Variants in RIMS1 observed in about 807,000 individuals in gnomAD.
RIMS1 encodes regulating synaptic membrane exocytosis 1, also known as regulating synaptic membrane exocytosis protein 1.
Under a neutral mutation model 214.1 loss-of-function variants are expected in RIMS1, and 83 were observed. The observed-to-expected ratio is 0.39, with a 90% CI of 0.32 to 0.47. The LOEUF is 0.47. RIMS1 is among the 20% of genes least tolerant of loss of function. The probability of loss-of-function intolerance (pLI) is 0.99; values close to 1 mark genes in which losing one functional copy is unlikely to be tolerated. For synonymous variants in RIMS1, 793 were observed against 786.8 expected, an observed-to-expected ratio of 1.01 and a Z score of -0.13; for missense variants, 2,050 against 2,161.8, an observed-to-expected ratio of 0.95 and a Z score of 1.03.
At chr6:72,253,164 T>G (rs1326753052) in intron 16 of RIMS1, among the ~76,000 whole-genome samples, 1 of 152,172 alleles carries the variant, frequency 6.6e-6, no homozygotes, top group East Asian at 1.9e-4. Flanking sequence ...CATTTTTCTG[T>G]GTTTTATATT....
At chr6:72,326,757 TG>T (rs747291783) in intron 28 of RIMS1, among the ~76,000 whole-genome samples, 8 of 151,622 alleles carry the variant, frequency 5.3e-5, no homozygotes, top group Non-Finnish European at 1.0e-4. Context: ...AATGGGGAAT[TG>T]GGGTGTCAGA....
chr6:71,956,846 C>T (rs1226270724), intron 1 of RIMS1, among the ~76,000 whole-genome samples: 3 of 152,140 alleles, frequency 2.0e-5, no homozygotes, highest in Non-Finnish European at 2.9e-5. Context: ...CCTGCTTGAA[C>T]ACATTAGAGT....
intron 4 of RIMS1, chr6:72,175,340 C>T (rs1477712088): frequency 4.8e-6 from 2 of 415,340 alleles, no homozygotes; most frequent in African/African-American, 4.1e-5. Context: ...ATACTAAGTA[C>T]CTCAGATGGA....
chr6:72,182,121 A>G (rs544442440), intron 5 of RIMS1, among the ~76,000 whole-genome samples, 163 bp from the exon 6 acceptor site: 2 of 152,358 alleles, frequency 1.3e-5, no homozygotes, highest in Non-Finnish European at 2.9e-5. Flanking sequence ...TAGATCCCTT[A>G]CCTTGTAAAA....
intron 23 of RIMS1, among the ~76,000 whole-genome samples, chr6:72,280,552 G>A (rs4401625): frequency 0.78 from 118,638 of 151,908 alleles, 46,838 homozygotes; most frequent in East Asian, 0.98. Context: ...CTTAATTTAC[G>A]TATTCTTTTA....
intron 2 of RIMS1, among the ~76,000 whole-genome samples, chr6:72,091,095 C>T (rs1230895662): frequency 3.9e-5 from 6 of 152,216 alleles, no homozygotes; most frequent in African/African-American, 1.4e-4. Flanking sequence ...TGCCCTTCCA[C>T]CATTGTACAC....
chr6:72,362,115 G>C (rs1373798070), intron 29 of RIMS1, among the ~76,000 whole-genome samples: 1 of 151,962 alleles, frequency 6.6e-6, no homozygotes, highest in Non-Finnish European at 1.5e-5. Flanking sequence ...TAGTTTAAAT[G>C]TAACAAAGAG....
chr6:72,300,714 T>C (rs1264536387), intron 26 of RIMS1, among the ~76,000 whole-genome samples: 2 of 151,786 alleles, frequency 1.3e-5, no homozygotes, highest in African/African-American at 4.8e-5. Context: ...ACAAGATATA[T>C]AACAAATTCT....
chr6:72,365,790 G>C (rs536096616), intron 29 of RIMS1: 3 of 152,328 alleles, frequency 2.0e-5, no homozygotes, highest in African/African-American at 7.2e-5. Context: ...GAGGTGAGGA[G>C]GAGCCACACA....
chr6:72,096,535 G>A (rs2031767901), intron 2 of RIMS1, among the ~76,000 whole-genome samples: 1 of 152,220 alleles, frequency 6.6e-6, no homozygotes, highest in Non-Finnish European at 1.5e-5. Context: ...ATAGAAAATA[G>A]TAGAGTACAT....
intron 2 of RIMS1, among the ~76,000 whole-genome samples, chr6:71,986,509 G>A (rs1800016292): frequency 6.6e-6 from 1 of 152,086 alleles, no homozygotes; most frequent in Non-Finnish European, 1.5e-5. Context: ...AGAAGAGCAT[G>A]GATTATAAAT....
intron 4 of RIMS1, among the ~76,000 whole-genome samples, chr6:72,133,461 A>C (rs1473661969): frequency 4.6e-5 from 7 of 152,162 alleles, no homozygotes; most frequent in Non-Finnish European, 1.0e-4. Flanking sequence ...GAATTCAAAA[A>C]CTTGCAGTCT....
In RIMS1 at chr6:72,261,385, T is replaced by C. The variant is rs2077934096; in HGVS notation, c.3116+618T>C. ...TTTCCCACAAAGGCATATAACAGTA[T>C]GAATGCCTCTTTAGAAGCGACAAAA... On this transcript the variant is annotated intron_variant, in intron 19 of 33. Coordinates refer to ENST00000521978, the MANE Select transcript of RIMS1 (RefSeq NM_014989.7). 4 of 986,004 alleles carry C rather than the reference T, an allele frequency of 4.1e-6. No homozygotes were observed. In the South Asian group the frequency reaches 1.4e-4, roughly 35 times the overall value. The allele number at this position is 986,004 out of a possible 1,614,324, so 61.1% of individuals were successfully genotyped here. A position where few individuals can be genotyped will look rare whatever the true frequency, so the allele number is the denominator to read the frequency against.
At chr6:72,220,491 G>A (rs2058023630) in intron 6 of RIMS1, among the ~76,000 whole-genome samples, 1 of 152,014 alleles carries the variant, frequency 6.6e-6, no homozygotes, top group South Asian at 2.1e-4. Flanking sequence ...TTGACATTCA[G>A]TGGTAGAAAA....
At chr6:71,918,578 C>T (rs1779091555) in intron 1 of RIMS1, among the ~76,000 whole-genome samples, 1 of 152,132 alleles carries the variant, frequency 6.6e-6, no homozygotes, top group Non-Finnish European at 1.5e-5. Flanking sequence ...GATAATTTGA[C>T]AGGGTCATGA....
intron 6 of RIMS1, among the ~76,000 whole-genome samples, chr6:72,198,893 G>A (rs2051448396): frequency 6.6e-6 from 1 of 151,898 alleles, no homozygotes; most frequent in African/African-American, 2.4e-5. Context: ...CAGAAAACCT[G>A]CATTTTATTC....
intron 2 of RIMS1, among the ~76,000 whole-genome samples, chr6:72,095,841 G>A (rs571792052): frequency 6.6e-6 from 1 of 152,236 alleles, no homozygotes; most frequent in South Asian, 2.1e-4. Context: ...TGTGTCCTAG[G>A]GAATACTCAA....
At chr6:71,965,155 C>T (rs1794095169) in intron 1 of RIMS1, among the ~76,000 whole-genome samples, 1 of 152,124 alleles carries the variant, frequency 6.6e-6, no homozygotes, top group Non-Finnish European at 1.5e-5. Context: ...AATTCAAAAA[C>T]CGTAACATTA....
chr6:72,020,405 G>A (rs1444342486), intron 2 of RIMS1, among the ~76,000 whole-genome samples: 5 of 152,096 alleles, frequency 3.3e-5, no homozygotes. Flanking sequence ...TCACTTGTTT[G>A]GAAAGCCATG....
Sources: gnomAD v4.1 joint callset for allele counts (sites outside exome capture counted in the v4.1 genomes callset) on GRCh38, gnomAD v4.1.1 for gene constraint, MANE v1.5 for transcripts, NCBI Gene and HGNC (gene_info 2026-07-23, HGNC 2026-07-21) for gene names.